The following BAIAP2 variants were observed in gnomAD, a reference collection of about 807,000 sequenced individuals.
BAIAP2 encodes BAR/IMD domain-containing adapter protein 2.
Under a neutral mutation model 63.0 loss-of-function variants are expected in BAIAP2, and 18 were observed. The ratio of observed to expected loss-of-function variants is 0.29; its 90% CI spans 0.20 to 0.42. The LOEUF (loss-of-function observed/expected upper bound fraction) is 0.42. Among genes scored for constraint, BAIAP2 ranks in the 10% least tolerant of loss-of-function variants. The pLI is 1.00. For synonymous variants in BAIAP2, 386 were observed against 307.6 expected (o/e 1.25, Z -2.67); for missense variants, 610 against 734.3 (o/e 0.83, Z 1.96).
intron 1 of BAIAP2, among the ~76,000 whole-genome samples, chr17:81,052,840 C>T (rs914309334): frequency 6.6e-6 from 1 of 152,182 alleles, no homozygotes; most frequent in Non-Finnish European, 1.5e-5. Flanking sequence ...GGCGGCTTCC[C>T]TTCCTGTGAT....
intron 3 of BAIAP2, among the ~76,000 whole-genome samples, chr17:81,070,999 G>T (rs184090415): frequency 6.6e-6 from 1 of 152,192 alleles, no homozygotes; most frequent in East Asian, 1.9e-4. Flanking sequence ...TGCTGACCCA[G>T]CCTTGACACC....
intron 3 of BAIAP2, among the ~76,000 whole-genome samples, chr17:81,080,244 C>CGGCA (rs1339675170): frequency 6.6e-6 from 1 of 152,254 alleles, no homozygotes; most frequent in Non-Finnish European, 1.5e-5. Flanking sequence ...GGGGCGCCTG[C>CGGCA]GGCACCCTGG....
chr17:81,095,572 C>T (rs896780161), intron 6 of BAIAP2, among the ~76,000 whole-genome samples: 22 of 152,144 alleles, frequency 1.4e-4, no homozygotes, highest in African/African-American at 5.3e-4. Flanking sequence ...GCATGTCATG[C>T]GCTGACTCAG....
chr17:81,036,986 C>T (rs2143240587), intron 1 of BAIAP2: 2 of 1,523,724 alleles, frequency 1.3e-6, no homozygotes, highest in Non-Finnish European at 1.8e-6. Flanking sequence ...TGGTTTTGCT[C>T]TGGGGGACCG....
intron 3 of BAIAP2, among the ~76,000 whole-genome samples, chr17:81,071,636 AAAG>A (rs2052680756): frequency 6.6e-6 from 1 of 152,184 alleles, no homozygotes; most frequent in Non-Finnish European, 1.5e-5. Flanking sequence ...CACTGGCCAA[AAAG>A]AGCACCCTGA....
rs541381520 is a variant in BAIAP2, at chr17:81,060,102, G to A, written c.217+2135G>A. On this transcript the variant is annotated intron_variant, in intron 3 of 13. Transcript: ENST00000428708. ...GGCTCCTCCTGGAGCGTGGAGCCCC[G>A]CTGTGTGCATCTGCAGAGGGCCAGC... 1.5e-3 allele frequency among the ~76,000 whole-genome samples: 221 copies of A among 152,276 alleles called. 2 individuals are homozygous for A. Among genetic ancestry groups the A allele is most frequent in the Non-Finnish European group, 2.8e-3 (190 of 68,002 alleles).
chr17:81,103,782 A>G, intron 8 of BAIAP2, 59 bp downstream of exon 8: 2 of 1,555,972 alleles, frequency 1.3e-6, no homozygotes, highest in Non-Finnish European at 1.7e-6. Context: ...GCTTGTTGTC[A>G]GGGCGGGGGG....
rs908763751 is a variant in BAIAP2 at position 81,046,989 on chromosome 17, G to A, written c.55-6679G>A. Among the ~76,000 whole-genome samples the A allele has an allele frequency of 1.3e-5, 2 of 152,232 alleles. No homozygotes were observed. Among genetic ancestry groups the A allele is most frequent in the Admixed American group, 1.3e-4 (2 of 15,284 alleles). ...CCTGTCGCGACAGAGGTGGAAGTGA[G>A]GGCGGTGGTCCAGTGGGCAACAGCG... On this transcript the variant is annotated intron_variant, in intron 1 of 13. Transcript: ENST00000428708. This position sits in a 1 kb window ranked among gnomAD's most constrained non-coding sequence, Gnocchi z 4.5.
chr17:81,116,644 C>A lies in BAIAP2; in HGVS notation c.*805C>A, dbSNP rs1035588490. 5 of 387,156 alleles carry A rather than the reference C, an allele frequency of 1.3e-5. No homozygotes were observed. Among genetic ancestry groups the A allele is most frequent in the Non-Finnish European group, 1.9e-5 (4 of 207,778 alleles). The allele number at this position is 387,156 out of a possible 1,614,324, so 24.0% of individuals were successfully genotyped here. On this transcript the variant is annotated 3_prime_UTR_variant, in exon 14 of 14. Transcript: ENST00000428708. ...GCCCCAGGACTCCTGGGTGGACCTC[C>A]CCCCCCCACCTCCGCTGACTCCTGC...
At chr17:81,078,321 A>C (rs1438259238) in intron 3 of BAIAP2, among the ~76,000 whole-genome samples, 7 of 88,622 alleles carry the variant, frequency 7.9e-5, no homozygotes, top group African/African-American at 1.3e-4. Context: ...CGGGTGCCGT[A>C]TTGGGTGGGA....
Position 81,115,990 on chromosome 17 carries a change from C to T in BAIAP2, c.*151C>T, listed in dbSNP as rs1206094670. 7.4e-6 allele frequency: 11 copies of T among 1,485,988 alleles called. No individual in the cohort carries two copies. Among genetic ancestry groups the T allele is most frequent in the African/African-American group, 1.4e-5 (1 of 71,916 alleles). The allele number at this position is 1,485,988 out of a possible 1,614,324, so 92.1% of individuals were successfully genotyped here. Reference sequence around the variant, plus strand: ...CTTGAGTCTGGCCTGGACTGGATCCCAGCTGTTCTAGGCAGGGCCGGGCAG... The same window carrying T: ...CTTGAGTCTGGCCTGGACTGGATCCTAGCTGTTCTAGGCAGGGCCGGGCAG... On this transcript the variant is annotated 3_prime_UTR_variant, in exon 14 of 14. Transcript: ENST00000428708.
intron 9 of BAIAP2, among the ~76,000 whole-genome samples, 183 bp downstream of exon 9, chr17:81,104,291 C>T (rs2058862189): frequency 6.6e-6 from 1 of 152,234 alleles, no homozygotes; most frequent in Non-Finnish European, 1.5e-5. Context: ...TCCCTCTTGT[C>T]AAGCCTCTGG....
intron 3 of BAIAP2, 27 bp downstream of exon 3, chr17:81,057,994 G>GCCC (rs1568090096): frequency 2.1e-6 from 2 of 974,820 alleles, no homozygotes; most frequent in Admixed American, 2.8e-5. Context: ...CCCCCCGCCT[G>GCCC]GTAGTCGCCT....
At chr17:81,092,128 T>C (rs367839928) in intron 6 of BAIAP2, among the ~76,000 whole-genome samples, 17 of 152,294 alleles carry the variant, frequency 1.1e-4, no homozygotes, top group African/African-American at 4.1e-4. Flanking sequence ...TGTCTCGAAG[T>C]GATTGCCGGG....
chr17:81,080,241 C>A (rs1427269069), intron 3 of BAIAP2, among the ~76,000 whole-genome samples: 8 of 152,216 alleles, frequency 5.3e-5, no homozygotes. Flanking sequence ...GCTGGGGCGC[C>A]TGCGGCACCC....
At chr17:81,113,037 A>G (rs1342422603) in intron 13 of BAIAP2, among the ~76,000 whole-genome samples, 1 of 152,228 alleles carries the variant, frequency 6.6e-6, no homozygotes, top group African/African-American at 2.4e-5. Flanking sequence ...CCCGGAAGAC[A>G]GAGCAAGACC....
At chr17:81,098,994 ATCCCC>A (rs2058106170) in intron 6 of BAIAP2, among the ~76,000 whole-genome samples, 1 of 20,574 alleles carries the variant, frequency 4.9e-5, no homozygotes, top group South Asian at 1.6e-3. Flanking sequence ...CCATCCCCCC[ATCCCC>A]CCATCCCACG....
chr17:81,036,861 A>T, intron 1 of BAIAP2: 1 of 1,535,540 alleles, frequency 6.5e-7, no homozygotes, highest in Non-Finnish European at 8.7e-7. Context: ...TTGTGATTGC[A>T]GAGGGTGGAA....
rs780581856 is a variant in BAIAP2, at chr17:81,116,327, C to T, written c.*488C>T. On this transcript the variant is annotated 3_prime_UTR_variant, in exon 14 of 14. Coordinates refer to ENST00000428708, the MANE Select transcript of BAIAP2 (RefSeq NM_001144888.2). ...ATGAACTTCCCGTAAGCACGTAATT[C>T]CCTGCAGGTCCGGCAGCTACACCTG... 2.5e-6 allele frequency: 4 copies of T among 1,612,396 alleles called. No individual in the cohort carries two copies. The highest frequency in any genetic ancestry group is 3.3e-5 in the Admixed American group (2 of 60,006).
Sources: gnomAD v4.1 joint callset for allele counts (sites outside exome capture counted in the v4.1 genomes callset) on GRCh38, gnomAD v4.1.1 for gene constraint, Gnocchi (gnomAD v3.1) non-coding constraint, MANE v1.5 for transcripts, NCBI Gene and HGNC (gene_info 2026-07-23, HGNC 2026-07-21) for gene names.